SCNN1B: variants seen among roughly 807,000 people sequenced by gnomAD.
The protein encoded by SCNN1B is sodium channel epithelial 1 subunit beta.
A neutral mutation model predicts 65.3 loss-of-function variants in SCNN1B; 46 were observed. The ratio of observed to expected loss-of-function variants is 0.70; its 90% CI spans 0.56 to 0.90. SCNN1B has a LOEUF of 0.90. SCNN1B is among the 40% of genes least tolerant of loss of function. The probability of loss-of-function intolerance (pLI) is 0.00; values close to 1 mark genes in which losing one functional copy is unlikely to be tolerated. For missense variants in SCNN1B, 751 were observed against 830.5 expected (o/e 0.90, Z 1.18); for synonymous variants, 349 against 330.6 (o/e 1.06, Z -0.60).
chr16:23,309,357 C>T (rs1057418855), intron 1 of SCNN1B, among the ~76,000 whole-genome samples: 2 of 151,698 alleles, frequency 1.3e-5, no homozygotes, highest in African/African-American at 4.8e-5. Flanking sequence ...TTAGGGTTCT[C>T]TAGAGGGACA....
rs776613953 is a variant in SCNN1B at position 23,380,778 on chromosome 16, G to A, written c.1900G>A (p.Asp634Asn). The A allele has an allele frequency of 6.2e-7, 1 of 1,612,372 alleles. No individual in the cohort carries two copies. Among genetic ancestry groups the A allele is most frequent in the Admixed American group, 1.7e-5 (1 of 60,024 alleles). ...RLQPLDVIES[D>N]SEGDAI ...GCAGCCGCTGGACGTCATCGAGTCT[G>A]ACAGTGAGGGTGATGCCATCTAACC... Residue 634 changes from aspartate (D) to asparagine (N), a missense_variant, in exon 13 of 13, where the codon GAC (aspartate) becomes AAC (asparagine). Physicochemically the swap from Asp to Asn is conservative, Grantham distance 23. Coordinates refer to ENST00000343070, the MANE Select transcript of SCNN1B (RefSeq NM_000336.3). This position sits in a 1 kb window ranked among gnomAD's most constrained non-coding sequence, Gnocchi z 5.4.
chr16:23,304,721 G>T (rs751325999), intron 1 of SCNN1B, among the ~76,000 whole-genome samples: 2 of 152,130 alleles, frequency 1.3e-5, no homozygotes, highest in Non-Finnish European at 2.9e-5. Context: ...TTAAAAGTTT[G>T]GTGGAACCCA....
At chr16:23,319,332 C>T (rs1961539048) in intron 1 of SCNN1B, among the ~76,000 whole-genome samples, 2 of 152,182 alleles carry the variant, frequency 1.3e-5, no homozygotes, top group African/African-American at 4.8e-5. Flanking sequence ...AGGTGTGAGC[C>T]ACTGCGCCCA....
In SCNN1B at chr16:23,375,790, GC is replaced by G. The variant is rs1375640080; in HGVS notation, c.1207del (p.His403ThrfsTer30). On this transcript the variant is annotated frameshift_variant, in exon 8 of 13. Coordinates refer to ENST00000343070, the MANE Select transcript of SCNN1B (RefSeq NM_000336.3). LOFTEE classifies it high-confidence loss of function. ...CACATGATCCGTAACTGCAACTGTG[GC>G]CACTACCTGTACCCACTGCCCCGTG... ...QDHMIRNCNC[G>X]HYLYPLPRGE... 1 of 1,614,164 alleles carries G rather than the reference GC, an allele frequency of 6.2e-7. No homozygotes were observed. The highest frequency in any genetic ancestry group is 8.5e-7 in the Non-Finnish European group (1 of 1,180,030).
chr16:23,299,546 G>A (rs974205562), upstream of SCNN1B, among the ~76,000 whole-genome samples: 5 of 152,146 alleles, frequency 3.3e-5, no homozygotes, highest in African/African-American at 1.2e-4. Context: ...GATGTTATTT[G>A]CCTTTTTCAC....
intron 1 of SCNN1B, among the ~76,000 whole-genome samples, chr16:23,315,476 C>T (rs1300902110): frequency 6.6e-6 from 1 of 152,170 alleles, no homozygotes; most frequent in Non-Finnish European, 1.5e-5. Context: ...ACAGGGAGCC[C>T]AGCTGACCCA....
intron 1 of SCNN1B, among the ~76,000 whole-genome samples, chr16:23,330,195 C>T (rs1416478448): frequency 6.6e-6 from 1 of 152,152 alleles, no homozygotes; most frequent in African/African-American, 2.4e-5. Flanking sequence ...GCTGTAGTGC[C>T]CAGGGACCCC....
chr16:23,321,391 C>T lies in SCNN1B; in HGVS notation c.-9+18954C>T, dbSNP rs1189179694. On this transcript the variant is annotated intron_variant, in intron 1 of 12. Coordinates refer to ENST00000343070, the MANE Select transcript of SCNN1B (RefSeq NM_000336.3). The stretch of plus-strand genomic sequence containing the variant: ...CATCTGCTTGCCTCTGGCTGGGGCT[C>T]CCTGTTCCTCTGAAGGCCCCGCCTG... Among the ~76,000 whole-genome samples the T allele has an allele frequency of 2.6e-5, 4 of 152,046 alleles. No homozygotes were observed. In the East Asian group the frequency reaches 7.8e-4, roughly 29 times the overall value.
chr16:23,334,091 G>GCCACAC (rs1961885579), intron 1 of SCNN1B, among the ~76,000 whole-genome samples: 2 of 152,280 alleles, frequency 1.3e-5, no homozygotes, highest in East Asian at 3.9e-4. Flanking sequence ...CTCTGCCATT[G>GCCACAC]CCACACCATG....
intron 2 of SCNN1B, among the ~76,000 whole-genome samples, chr16:23,352,282 C>T (rs760796668): frequency 2.2e-4 from 34 of 152,086 alleles, no homozygotes; most frequent in African/African-American, 2.7e-4. Context: ...GGTGGGTGGA[C>T]GGAGAGGTGG....
At chr16:23,363,257 A>T (rs929975171) in intron 4 of SCNN1B, among the ~76,000 whole-genome samples, 2 of 152,236 alleles carry the variant, frequency 1.3e-5, no homozygotes, top group African/African-American at 4.8e-5. Context: ...ACAGTATGCT[A>T]GGCATCCACC....
At chr16:23,299,555 A>G (rs938223154), upstream of SCNN1B, among the ~76,000 whole-genome samples, 1 of 152,148 alleles carries the variant, frequency 6.6e-6, no homozygotes, top group Non-Finnish European at 1.5e-5. Flanking sequence ...TGCCTTTTTC[A>G]CCTGTGGACA....
chr16:23,316,308 CCAT>C (rs1445985569), intron 1 of SCNN1B, among the ~76,000 whole-genome samples: 1 of 150,254 alleles, frequency 6.7e-6, no homozygotes, highest in Non-Finnish European at 1.5e-5. Context: ...ACCACCATCA[CCAT>C]CATCACCATC....
intron 1 of SCNN1B, among the ~76,000 whole-genome samples, chr16:23,310,914 A>C (rs1377439944): frequency 6.6e-6 from 1 of 152,222 alleles, no homozygotes; most frequent in Non-Finnish European, 1.5e-5. Flanking sequence ...AGGACTCTCA[A>C]ACTCAGCTGG....
At chr16:23,337,859 G>T (rs1290076192) in intron 1 of SCNN1B, among the ~76,000 whole-genome samples, 2 of 151,924 alleles carry the variant, frequency 1.3e-5, no homozygotes, top group African/African-American at 4.8e-5. Flanking sequence ...TTGAACCCAG[G>T]AGTTCAAGAC....
At chr16:23,287,138 G>A (rs920711757) in intron 2 of SCNN1B, among the ~76,000 whole-genome samples, 7 of 151,472 alleles carry the variant, frequency 4.6e-5, no homozygotes, top group Admixed American at 4.6e-4. Flanking sequence ...CCAAGTAGCT[G>A]GAATTACAGG....
chr16:23,343,577 AAAAGAGAAAG>A (rs1962107544), intron 1 of SCNN1B, among the ~76,000 whole-genome samples: 2 of 134,160 alleles, frequency 1.5e-5, no homozygotes, highest in Non-Finnish European at 3.2e-5. Flanking sequence ...GAAAGAAAGA[AAAAGAGAAAG>A]AAAGAAAGAA....
intron 7 of SCNN1B, 133 bp from the exon 8 acceptor site, chr16:23,375,605 C>T (rs1323179259): frequency 3.9e-6 from 3 of 769,458 alleles, no homozygotes; most frequent in African/African-American, 3.4e-5. Flanking sequence ...GCTTCTCAGC[C>T]CTGGAGCACC....
chr16:23,365,620 A>AGAAAGAGAGAGAAAGAAAGAAAG (rs11399911), intron 4 of SCNN1B, among the ~76,000 whole-genome samples: 1 of 80,418 alleles, frequency 1.2e-5, no homozygotes, highest in Non-Finnish European at 2.8e-5. Flanking sequence ...AAAGAAAGAA[A>AGAAAGAGAGAGAAAGAAAGAAAG]AAAGAAAGAA....
Sources: gnomAD v4.1 joint callset for allele counts (sites outside exome capture counted in the v4.1 genomes callset) on GRCh38, gnomAD v4.1.1 for gene constraint, Gnocchi (gnomAD v3.1) non-coding constraint, MANE v1.5 for transcripts, NCBI Gene and HGNC (gene_info 2026-07-23, HGNC 2026-07-21) for gene names.